PARVB: variants seen among roughly 807,000 people sequenced by gnomAD.
PARVB encodes the protein parvin beta, also known as beta-parvin.
PARVB carries 46 observed loss-of-function variants against 47.0 expected under a neutral mutation model. The ratio of observed to expected loss-of-function variants is 0.98; its 90% confidence interval spans 0.77 to 1.25. The LOEUF is 1.25. Ranked by LOEUF, PARVB falls within the 50% of genes most tolerant of loss-of-function variation. The pLI is 0.00. For synonymous variants in PARVB, 196 were observed against 196.3 expected (o/e 1.00, Z 0.01); for missense variants, 473 against 471.6 (o/e 1.00, Z -0.03).
chr22:44,087,846 G>GTTTTTTTTTTTTTTTT (rs57893038), intron 1 of PARVB, among the ~76,000 whole-genome samples: 2 of 121,286 alleles, frequency 1.6e-5, no homozygotes, highest in Non-Finnish European at 3.3e-5. Context: ...GAACGATGGT[G>GTTTTTTTTTTTTTTTT]TTTTTTTTTT....
Position 44,097,257 on chromosome 22 carries a change from G to A in PARVB, c.203-2796G>A, listed in dbSNP as rs566327622. 1.2e-4 allele frequency among the ~76,000 whole-genome samples: 18 copies of A among 152,332 alleles called. No homozygotes were observed. In the South Asian group the frequency reaches 2.3e-3, roughly 19 times the overall value. ...GATGTCAGAAAGTCCCAGGGCACTT[G>A]GCAGTGAGGGTTCCTGGCCACCCGA... On this transcript the variant is annotated intron_variant, in intron 2 of 12. Coordinates refer to ENST00000338758, the MANE Select transcript of PARVB (RefSeq NM_013327.5).
intron 2 of PARVB, among the ~76,000 whole-genome samples, chr22:44,098,902 T>A (rs1417389295): frequency 6.6e-6 from 1 of 152,172 alleles, no homozygotes; most frequent in Non-Finnish European, 1.5e-5. Flanking sequence ...CTGGAACTCC[T>A]GGGCTCAAGC....
chr22:44,049,793 AT>A lies in PARVB; in HGVS notation c.112+25345del, dbSNP rs1398227842. On this transcript the variant is annotated intron_variant, in intron 1 of 12. Transcript: ENST00000338758. This position sits in a 1 kb window ranked among gnomAD's most constrained non-coding sequence, Gnocchi z 4.0. ...GGAGACCTCTGCCCGGGAACGGGCC[AT>A]TTGGGGGCTCAGCCATCTGGCACAT... Among the ~76,000 whole-genome samples, 1 of 152,204 alleles carries A rather than the reference AT, an allele frequency of 6.6e-6. No individual in the cohort carries two copies. The highest frequency in any genetic ancestry group is 2.4e-5 in the African/African-American group (1 of 41,460).
intron 8 of PARVB, chr22:44,141,975 G>A (rs567630819): frequency 7.9e-5 from 12 of 152,264 alleles, no homozygotes; most frequent in African/African-American, 2.4e-4. Context: ...CCCACCCTGC[G>A]TCTAGGTAGA....
intron 2 of PARVB, among the ~76,000 whole-genome samples, chr22:44,010,818 A>C (rs1250192990): frequency 6.6e-6 from 1 of 152,066 alleles, no homozygotes; most frequent in Admixed American, 6.6e-5. Flanking sequence ...TTTACGACAT[A>C]TGAAAATTAT....
chr22:44,056,538 C>G (rs1039246857), intron 1 of PARVB, among the ~76,000 whole-genome samples: 1 of 152,126 alleles, frequency 6.6e-6, no homozygotes, highest in Non-Finnish European at 1.5e-5. Flanking sequence ...CAGGTTCTCC[C>G]TCTGTCACCC....
intron 4 of PARVB, among the ~76,000 whole-genome samples, chr22:44,122,556 CAGAGACAGAG>C (rs2053087288): frequency 2.2e-5 from 1 of 46,078 alleles, no homozygotes; most frequent in Non-Finnish European, 4.3e-5. Context: ...GAGAGAGACA[CAGAGACAGAG>C]AGAGAGAGAG....
chr22:44,061,226 C>T (rs544826328), intron 1 of PARVB, among the ~76,000 whole-genome samples: 9 of 152,084 alleles, frequency 5.9e-5, no homozygotes, highest in Non-Finnish European at 7.4e-5. Flanking sequence ...GTCAGGAGTT[C>T]GAGACCAGCC....
At chr22:44,088,740 G>A (rs1021177260) in intron 1 of PARVB, among the ~76,000 whole-genome samples, 14 of 152,158 alleles carry the variant, frequency 9.2e-5, no homozygotes, top group Non-Finnish European at 1.9e-4. Context: ...CCAGAGTGCT[G>A]GAATTACAGG....
At chr22:44,088,334 G>A (rs1569103300) in intron 1 of PARVB, among the ~76,000 whole-genome samples, 1 of 152,148 alleles carries the variant, frequency 6.6e-6, no homozygotes, top group Admixed American at 6.5e-5. Flanking sequence ...AGTAAGATGA[G>A]GTTGAAGATA....
intron 1 of PARVB, among the ~76,000 whole-genome samples, chr22:44,079,752 A>AC (rs2051857605): frequency 6.6e-6 from 1 of 152,036 alleles, no homozygotes; most frequent in Non-Finnish European, 1.5e-5. Context: ...ACATGGTGAA[A>AC]CCCCGTCTCT....
At chr22:44,085,732 G>C (rs1348676340) in intron 1 of PARVB, among the ~76,000 whole-genome samples, 1 of 152,338 alleles carries the variant, frequency 6.6e-6, no homozygotes, top group African/African-American at 2.4e-5. Flanking sequence ...GAAGTGACCA[G>C]GATACGTCTT....
chr22:44,163,701 C>G (rs2054100581), intron 11 of PARVB, among the ~76,000 whole-genome samples, 157 bp from the exon 12 acceptor site: 1 of 152,184 alleles, frequency 6.6e-6, no homozygotes, highest in African/African-American at 2.4e-5. Context: ...TCACCCGTGT[C>G]TGCCCACCCT....
intron 6 of PARVB, 105 bp from the exon 7 acceptor site, chr22:44,136,355 C>G (rs1472010368): frequency 9.9e-7 from 1 of 1,014,400 alleles, no homozygotes; most frequent in East Asian, 2.5e-5. Context: ...TCCTGTTGCT[C>G]TTTTCTAAGA....
intron 1 of PARVB, among the ~76,000 whole-genome samples, chr22:44,043,987 G>T (rs375191869): frequency 1.3e-5 from 2 of 152,124 alleles, no homozygotes; most frequent in Non-Finnish European, 2.9e-5. Flanking sequence ...GGTGCTGTAC[G>T]CAGATTGTCT....
At chr22:44,072,761 T>C (rs988963429) in intron 1 of PARVB, among the ~76,000 whole-genome samples, 9 of 152,142 alleles carry the variant, frequency 5.9e-5, no homozygotes, top group African/African-American at 1.9e-4. Context: ...CCCTTTCTTT[T>C]TGTGCCTTAT....
chr22:44,016,493 T>G (rs1186006190), intron 2 of PARVB, among the ~76,000 whole-genome samples: 1 of 152,162 alleles, frequency 6.6e-6, no homozygotes, highest in Non-Finnish European at 1.5e-5. Flanking sequence ...GAATCTCGGG[T>G]ATCACCCCAG....
chr22:44,077,832 G>A (rs958772223), intron 1 of PARVB, among the ~76,000 whole-genome samples: 1 of 152,076 alleles, frequency 6.6e-6, no homozygotes, highest in African/African-American at 2.4e-5. Flanking sequence ...CGAGTAGCTG[G>A]TATTACAGGC....
intron 1 of PARVB, among the ~76,000 whole-genome samples, chr22:44,075,187 C>T (rs1254044607): frequency 6.6e-6 from 1 of 152,214 alleles, no homozygotes; most frequent in African/African-American, 2.4e-5. Flanking sequence ...AGGCCCTGGG[C>T]CCTGGAGACA....
Sources: gnomAD v4.1 joint callset for allele counts (sites outside exome capture counted in the v4.1 genomes callset) on GRCh38, gnomAD v4.1.1 for gene constraint, Gnocchi (gnomAD v3.1) non-coding constraint, MANE v1.5 for transcripts, NCBI Gene and HGNC (gene_info 2026-07-23, HGNC 2026-07-21) for gene names.